RGS6: variants seen among roughly 807,000 people sequenced by gnomAD.
RGS6 encodes the protein regulator of G protein signaling 6.
In RGS6, 30 loss-of-function variants were observed where a neutral mutation model predicts 78.5. The ratio of observed to expected loss-of-function variants is 0.38; its 90% CI spans 0.29 to 0.52. The LOEUF (loss-of-function observed/expected upper bound fraction) is 0.52, where lower values mean the gene tolerates loss of function less well. RGS6 is among the 20% of genes least tolerant of loss of function. The pLI, the probability that RGS6 is intolerant of heterozygous loss-of-function variation, is 0.85. For missense variants in RGS6, 495 were observed against 609.7 expected, an observed-to-expected ratio of 0.81 and a Z score of 1.98; for synonymous variants, 206 against 206.0, an observed-to-expected ratio of 1.00 and a Z score of 0.00.
chr14:72,031,699 A>G (rs1327446239), intron 2 of RGS6, among the ~76,000 whole-genome samples: 1 of 152,212 alleles, frequency 6.6e-6, no homozygotes, highest in Admixed American at 6.5e-5. Flanking sequence ...TAGAAGAGAA[A>G]TAACACTTGC....
chr14:72,518,005 A>G (rs769011203), intron 14 of RGS6, among the ~76,000 whole-genome samples: 2 of 152,206 alleles, frequency 1.3e-5, no homozygotes, highest in Non-Finnish European at 2.9e-5. Flanking sequence ...GGTTGCTGCT[A>G]AACATCCTAC....
chr14:72,405,257 G>C (rs2092818937), intron 3 of RGS6, among the ~76,000 whole-genome samples: 2 of 152,150 alleles, frequency 1.3e-5, no homozygotes, highest in Non-Finnish European at 2.9e-5. Flanking sequence ...ATTTGTGAGA[G>C]AGCCTGGAGG....
intron 3 of RGS6, among the ~76,000 whole-genome samples, chr14:72,357,390 T>G (rs2080543661): frequency 6.6e-6 from 1 of 152,068 alleles, no homozygotes; most frequent in Non-Finnish European, 1.5e-5. Context: ...TCCTAGAGAC[T>G]TGGAGGGCTT....
At chr14:72,084,697 C>G (rs1182275083) in intron 2 of RGS6, among the ~76,000 whole-genome samples, 1 of 151,722 alleles carries the variant, frequency 6.6e-6, no homozygotes, top group Non-Finnish European at 1.5e-5. Flanking sequence ...CAGGTGAAAT[C>G]TCTCAGGCCT....
the RGS6 span, among the ~76,000 whole-genome samples, chr14:72,617,770 C>T: frequency 2.6e-5 from 4 of 152,148 alleles, no homozygotes; most frequent in South Asian, 2.1e-4. Flanking sequence ...CCAACTAGCC[C>T]GAGTCTCCGG....
At chr14:72,023,341 T>G (rs2089136047) in intron 2 of RGS6, among the ~76,000 whole-genome samples, 1 of 152,204 alleles carries the variant, frequency 6.6e-6, no homozygotes, top group African/African-American at 2.4e-5. Flanking sequence ...ATTTTTGGAC[T>G]GATGATGGCA....
At chr14:72,518,310 T>G (rs778009404) in intron 14 of RGS6, 41 bp from the exon 15 acceptor site, 1 of 1,587,574 alleles carries the variant, frequency 6.3e-7, no homozygotes, top group Admixed American at 1.7e-5. Context: ...ATCCCGATGC[T>G]GAGCCCCCTG....
chr14:72,561,950 C>T (rs2097681634), intron 17 of RGS6, among the ~76,000 whole-genome samples: 1 of 152,214 alleles, frequency 6.6e-6, no homozygotes, highest in South Asian at 2.1e-4. Context: ...CTTCTTAAGA[C>T]TAGTTCATTC....
intron 3 of RGS6, among the ~76,000 whole-genome samples, chr14:72,365,975 G>A (rs1291326413): frequency 6.6e-6 from 1 of 152,080 alleles, no homozygotes; most frequent in African/African-American, 2.4e-5. Context: ...CCAAAGTCCT[G>A]GAGAACATTT....
chr14:71,943,208 A>C (rs2090925858), intron 1 of RGS6, among the ~76,000 whole-genome samples: 1 of 152,212 alleles, frequency 6.6e-6, no homozygotes, highest in African/African-American at 2.4e-5. Context: ...AAAGGAGCAC[A>C]ACAGGCATTT....
rs561119362 is a variant in RGS6, at chr14:72,361,800, A to G, written c.184+9606A>G. Among the ~76,000 whole-genome samples the G allele has an allele frequency of 3.9e-5, 6 of 152,308 alleles. No individual in the cohort carries two copies. The East Asian group carries it at 1.2e-3, about 29-fold the overall frequency. On this transcript the variant is annotated intron_variant, in intron 3 of 17. Coordinates refer to ENST00000553525, the MANE Select transcript of RGS6 (RefSeq NM_001204424.2). ...AATAAGAGGTACAGGTGGTTTAATC[A>G]GATGGTATGGGAGTCAAAGCTGAGT...
chr14:72,554,064 T>C (rs947786635), intron 17 of RGS6, among the ~76,000 whole-genome samples: 3 of 152,232 alleles, frequency 2.0e-5, no homozygotes, highest in African/African-American at 7.2e-5. Context: ...GGAATCCATG[T>C]CTGATAAGTG....
the RGS6 span, among the ~76,000 whole-genome samples, chr14:72,579,989 T>A: frequency 2.6e-5 from 4 of 152,188 alleles, no homozygotes; most frequent in Non-Finnish European, 5.9e-5. Context: ...GGGAATAATA[T>A]CAGCTTATCA....
chr14:72,510,632 T>C (rs2096867227), intron 14 of RGS6, among the ~76,000 whole-genome samples: 2 of 152,200 alleles, frequency 1.3e-5, no homozygotes, highest in Non-Finnish European at 2.9e-5. Flanking sequence ...TCAGAGGCTG[T>C]CTCCTCAAAA....
In RGS6 at chr14:72,364,771, A is replaced by G. The variant is rs1158972862; in HGVS notation, c.184+12577A>G. On this transcript the variant is annotated intron_variant, in intron 3 of 17. Transcript: ENST00000553525. The stretch of plus-strand genomic sequence containing the variant: ...AGTGATTTCAATGGAAGAAGGCAAG[A>G]AGATGGAGACCAATGGCACGATGAT... Among the ~76,000 whole-genome samples, 4 of 152,234 alleles carry G rather than the reference A, an allele frequency of 2.6e-5. No homozygotes were observed. The East Asian group carries it at 7.7e-4, about 29-fold the overall frequency.
intron 2 of RGS6, among the ~76,000 whole-genome samples, chr14:72,029,958 A>C (rs2090570177): frequency 6.6e-6 from 1 of 152,212 alleles, no homozygotes; most frequent in South Asian, 2.1e-4. Flanking sequence ...TTAAATTCTG[A>C]GCAAAATATG....
chr14:72,383,007 A>T (rs2086607738), intron 3 of RGS6, among the ~76,000 whole-genome samples: 1 of 151,622 alleles, frequency 6.6e-6, no homozygotes, highest in Non-Finnish European at 1.5e-5. Context: ...CTCAAAGTAT[A>T]CTCATAATGT....
rs191495053 is a variant in RGS6 at position 72,249,060 on chromosome 14, A to G, written c.85-103035A>G. Among the ~76,000 whole-genome samples the G allele has an allele frequency of 1.3e-3, 203 of 152,354 alleles. 3 individuals are homozygous for G. Among genetic ancestry groups the G allele is most frequent in the Non-Finnish European group, 4.3e-4 (29 of 68,022 alleles). ...GAATTTTTAGCTGGGACTCCCTGTA[A>G]CAAAAGGTAGATTAACAAGGGAAAG... On this transcript the variant is annotated intron_variant, in intron 2 of 17. Coordinates refer to ENST00000553525, the MANE Select transcript of RGS6 (RefSeq NM_001204424.2).
chr14:72,138,449 G>GTTTTTTTTTTT (rs71448384), intron 2 of RGS6, among the ~76,000 whole-genome samples: 2 of 86,648 alleles, frequency 2.3e-5, no homozygotes, highest in African/African-American at 4.5e-5. Flanking sequence ...ACCTGTACCT[G>GTTTTTTTTTTT]TTTTTTTTTT....
Sources: allele counts gnomAD v4.1 joint callset (sites outside exome capture counted in the v4.1 genomes callset), GRCh38; gene constraint gnomAD v4.1.1; transcripts MANE v1.5; gene names NCBI Gene and HGNC (gene_info 2026-07-23, HGNC 2026-07-21).